Variants in UTP14C observed in about 807,000 individuals in gnomAD.
The protein encoded by UTP14C is UTP14C small subunit processome component.
Under a neutral mutation model 14.6 loss-of-function variants are expected in UTP14C, and 10 were observed. That is an observed-to-expected ratio of 0.68 (90% CI 0.42 to 1.16). The LOEUF (loss-of-function observed/expected upper bound fraction) is 1.16. Ranked by LOEUF, UTP14C falls within the 50% of genes most tolerant of loss-of-function variation. UTP14C has a pLI of 0.00. For missense variants in UTP14C, 818 were observed against 890.8 expected, an observed-to-expected ratio of 0.92 and a Z score of 1.04; for synonymous variants, 315 against 331.6, an observed-to-expected ratio of 0.95 and a Z score of 0.54.
rs1349623691 is a variant in UTP14C at position 52,033,279 on chromosome 13, T to G, written c.*2174T>G. The G allele has an allele frequency of 6.0e-6, 1 of 167,110 alleles. No homozygotes were observed. Among genetic ancestry groups the G allele is most frequent in the East Asian group, 1.9e-4 (1 of 5,202 alleles). The allele number at this position is 167,110 out of a possible 1,614,324, so 10.4% of individuals were successfully genotyped here. On this transcript the variant is annotated 3_prime_UTR_variant, in exon 2 of 2. Transcript: ENST00000521776. ...TTTTGAGTGGTCCAAGCCTGCTGTTTTGAACCCACAGCAGTGGAGATTTGT... is the reference window on the plus strand; with the variant it reads ...TTTTGAGTGGTCCAAGCCTGCTGTTGTGAACCCACAGCAGTGGAGATTTGT...
At chr13:52,026,577 T>G (rs1289569473) in intron 1 of UTP14C, among the ~76,000 whole-genome samples, 1 of 152,164 alleles carries the variant, frequency 6.6e-6, no homozygotes, top group Non-Finnish European at 1.5e-5. Flanking sequence ...TGCAGTAGTA[T>G]TGACCAGGAC....
chr13:52,027,398 C>T (rs1172967330), intron 1 of UTP14C, among the ~76,000 whole-genome samples: 2 of 152,076 alleles, frequency 1.3e-5, no homozygotes, highest in African/African-American at 4.8e-5. Flanking sequence ...GTACAGGATG[C>T]TCTCCAGCTT....
rs775557620 is a variant in UTP14C at position 52,024,784 on chromosome 13, C to T, written c.-640C>T. The T allele has an allele frequency of 3.1e-6, 5 of 1,614,210 alleles. No homozygotes were observed. In the Admixed American group the frequency reaches 6.7e-5, roughly 22 times the overall value. On this transcript the variant is annotated 5_prime_UTR_variant, in exon 1 of 2. Transcript: ENST00000521776. ...AGGTTGTCGTAACAAAGATGATGAA[C>T]TTAGGGTAAACCAACTGAGAAGGCT...
rs1047258718 is a variant in UTP14C at position 52,031,276 on chromosome 13, T to C, written c.*171T>C. 2 of 1,008,844 alleles carry C rather than the reference T, an allele frequency of 2.0e-6. No homozygotes were observed. The highest frequency in any genetic ancestry group is 2.9e-5 in the Admixed American group (1 of 33,998). 62.5% of individuals were successfully genotyped at this position (1,008,844 alleles called of 1,614,324 possible). On this transcript the variant is annotated 3_prime_UTR_variant, in exon 2 of 2. Coordinates refer to ENST00000521776, the MANE Select transcript of UTP14C (RefSeq NM_021645.6). Reference sequence around the variant, plus strand: ...CCATTAATTGACTAGCATTTTAGAATTGATCAGACATTAGAACACAGAAAA... The same window carrying C: ...CCATTAATTGACTAGCATTTTAGAACTGATCAGACATTAGAACACAGAAAA...
Position 52,031,003 on chromosome 13 carries a change from A to G in UTP14C, c.2199A>G (p.Ala733=), listed in dbSNP as rs1395433732. Reference sequence around the variant, plus strand: ...GCCATATCATTAAGCCCATAAAAGCAGAGGATGTGGGCTACCAGTCTTCCT... The same window carrying G: ...GCCATATCATTAAGCCCATAAAAGCGGAGGATGTGGGCTACCAGTCTTCCT... The part of the protein sequence containing the change: ...KPGHIIKPIK[A]EDVGYQSSSR... The change falls in exon 2 of 2, where the codon GCA becomes GCG. Residue 733 remains alanine (A), a synonymous_variant. Transcript: ENST00000521776. 1.2e-6 allele frequency: 2 copies of G among 1,614,212 alleles called. No individual in the cohort carries two copies. The highest frequency in any genetic ancestry group is 4.5e-5 in the East Asian group (2 of 44,882).
At position 52,033,387 on chromosome 13, in the gene UTP14C, G is replaced by T. The variant is rs1954325404; in HGVS notation, c.*2282G>T. On this transcript the variant is annotated 3_prime_UTR_variant, in exon 2 of 2. Transcript: ENST00000521776. ...TTATTTGTAAATATTATTTAGATTT[G>T]TATTTAGACATGATTTATATCTAAT... 6.0e-6 allele frequency: 1 copy of T among 166,944 alleles called. No homozygotes were observed. Among genetic ancestry groups the T allele is most frequent in the African/African-American group, 2.4e-5 (1 of 41,394 alleles). The allele number at this position is 166,944 out of a possible 1,614,324, so 10.3% of individuals were successfully genotyped here. A position where few individuals can be genotyped will look rare whatever the true frequency, so the allele number is the denominator to read the frequency against.
In UTP14C at chr13:52,029,446, G is replaced by A. The variant is rs769956185; in HGVS notation, c.642G>A (p.Met214Ile). ...TPMEKASLQA[M>I]SLEEAKMHRA... Reference sequence around the variant, plus strand: ...TGGAAAAGGCCTCTCTCCAAGCCATGAGCCTGGAAGAGGCAAAGATGCACC... The same window carrying A: ...TGGAAAAGGCCTCTCTCCAAGCCATAAGCCTGGAAGAGGCAAAGATGCACC... The change falls in exon 2 of 2, where the codon ATG becomes ATA. Residue 214 changes from methionine (M) to isoleucine (I), a missense_variant. Physicochemically the swap from Met to Ile is conservative, Grantham distance 10. Transcript: ENST00000521776. 9.9e-6 allele frequency: 16 copies of A among 1,614,112 alleles called. No individual in the cohort carries two copies. Among genetic ancestry groups the A allele is most frequent in the Non-Finnish European group, 1.3e-5 (15 of 1,180,060 alleles).
In UTP14C at chr13:52,032,680, C is replaced by CA. The variant is rs1158123371; in HGVS notation, c.*1576dup. On this transcript the variant is annotated 3_prime_UTR_variant, in exon 2 of 2. Transcript: ENST00000521776. ...AAAAAGCAGCAAACAGAGGGTCAGT[C>CA]ACAGGATGTTCTGACACACCATTGT... 1 of 167,104 alleles carries CA rather than the reference C, an allele frequency of 6.0e-6. No individual in the cohort carries two copies. The highest frequency in any genetic ancestry group is 1.5e-5 in the Non-Finnish European group (1 of 68,120). 10.4% of individuals were successfully genotyped at this position (167,104 alleles called of 1,614,324 possible).
rs1566715719 is a variant in UTP14C, at chr13:52,031,395, T to C, written c.*290T>C. 1 of 380,404 alleles carries C rather than the reference T, an allele frequency of 2.6e-6. No homozygotes were observed. The highest frequency in any genetic ancestry group is 4.9e-6 in the Non-Finnish European group (1 of 204,142). 23.6% of individuals were successfully genotyped at this position (380,404 alleles called of 1,614,324 possible). ...AAAAAAGAAATTTTAAACAGACTTG[T>C]TTAATCGTGTTCTCAAAGCATACAG... is the stretch of plus-strand genomic sequence containing the variant. On this transcript the variant is annotated 3_prime_UTR_variant, in exon 2 of 2. Coordinates refer to ENST00000521776, the MANE Select transcript of UTP14C (RefSeq NM_021645.6).
At chr13:52,027,693 A>T (rs745562924) in intron 1 of UTP14C, among the ~76,000 whole-genome samples, 12 of 152,248 alleles carry the variant, frequency 7.9e-5, no homozygotes, top group Admixed American at 6.5e-5. Flanking sequence ...GTTGTTGGGC[A>T]TGCAGTAGTC....
chr13:52,026,098 G>A (rs557867932), intron 1 of UTP14C, among the ~76,000 whole-genome samples: 12 of 152,354 alleles, frequency 7.9e-5, no homozygotes, highest in East Asian at 3.9e-4. Context: ...GTGCTGTGCC[G>A]TGTGCCAGGT....
In UTP14C at chr13:52,027,984, G is replaced by A. The variant is rs539348700; in HGVS notation, c.-486-335G>A. Among the ~76,000 whole-genome samples the A allele has an allele frequency of 3.9e-5, 6 of 152,136 alleles. No homozygotes were observed. In the South Asian group the frequency reaches 1.0e-3, roughly 26 times the overall value. On this transcript the variant is annotated intron_variant, in intron 1 of 1. Coordinates refer to ENST00000521776, the MANE Select transcript of UTP14C (RefSeq NM_021645.6). ...CTAAGAATAAAGCAGCAGGCTGGGT[G>A]TGGTAGCTCACGCTGGTAAATCCCA...
Position 52,024,705 on chromosome 13 carries a change from G to T in UTP14C, c.-719G>T, listed in dbSNP as rs763889797. The T allele has an allele frequency of 6.2e-7, 1 of 1,614,216 alleles. No homozygotes were observed. Among genetic ancestry groups the T allele is most frequent in the Non-Finnish European group, 8.5e-7 (1 of 1,180,034 alleles). ...TGCAGATCAGAGCCTTTGCTAAATTGCTGAATAAGAAGATGGTTGAGTCAC... is the reference window on the plus strand; with the variant it reads ...TGCAGATCAGAGCCTTTGCTAAATTTCTGAATAAGAAGATGGTTGAGTCAC... On this transcript the variant is annotated 5_prime_UTR_variant, in exon 1 of 2. Transcript: ENST00000521776.
chr13:52,033,185 A>T lies in UTP14C; in HGVS notation c.*2080A>T, dbSNP rs183356568. 3 of 167,156 alleles carry T rather than the reference A, an allele frequency of 1.8e-5. No individual in the cohort carries two copies. The highest frequency in any genetic ancestry group is 3.9e-4 in the East Asian group (2 of 5,194). 10.4% of individuals were successfully genotyped at this position (167,156 alleles called of 1,614,324 possible). A position where few individuals can be genotyped will look rare whatever the true frequency, so the allele number is the denominator to read the frequency against. ...CTGAATGATAGCATGAAAAGTGTCA[A>T]AGTGGTTTGTCCGCTAGCGTCTGTC... On this transcript the variant is annotated 3_prime_UTR_variant, in exon 2 of 2. Coordinates refer to ENST00000521776, the MANE Select transcript of UTP14C (RefSeq NM_021645.6).
In UTP14C at chr13:52,030,494, A is replaced by G. The variant is rs768692630; in HGVS notation, c.1690A>G (p.Thr564Ala). The change falls in exon 2 of 2, where the codon ACC becomes GCC. Residue 564 changes from threonine to alanine, a missense_variant. Physicochemically the swap from Thr to Ala is moderately conservative, Grantham distance 58. Coordinates refer to ENST00000521776, the MANE Select transcript of UTP14C (RefSeq NM_021645.6). ...EQLINLQNFL[T>A]TQSPSVRSLA... ...ACTGATCAACCTACAGAACTTCCTG[A>G]CCACACAGTCTCCTTCCGTGAGGTC... The G allele has an allele frequency of 5.0e-6, 8 of 1,614,128 alleles. No homozygotes were observed. In the East Asian group the frequency reaches 8.9e-5, roughly 18 times the overall value.
In UTP14C at chr13:52,029,286, G is replaced by T. The variant is rs1196647252; in HGVS notation, c.482G>T (p.Gly161Val). Reference protein sequence around the residue: ...QQAEQLVFPLGKEQPAIAPIE... With the variant: ...QQAEQLVFPLVKEQPAIAPIE... ...GCAGAGCAGCTGGTTTTTCCCCTGG[G>T]GAAGGAGCAGCCAGCCATTGCTCCC... Residue 161 changes from glycine (G) to valine (V), a missense_variant, in exon 2 of 2, where the codon GGG becomes GTG. By Grantham distance (109) the Gly-to-Val change is moderately radical. Coordinates refer to ENST00000521776, the MANE Select transcript of UTP14C (RefSeq NM_021645.6). 1 of 1,614,178 alleles carries T rather than the reference G, an allele frequency of 6.2e-7. No individual in the cohort carries two copies. The highest frequency in any genetic ancestry group is 1.1e-5 in the South Asian group (1 of 91,078).
Position 52,031,150 on chromosome 13 carries a change from T to G in UTP14C, c.*45T>G. The G allele has an allele frequency of 6.4e-7, 1 of 1,563,286 alleles. No individual in the cohort carries two copies. The highest frequency in any genetic ancestry group is 8.7e-7 in the Non-Finnish European group (1 of 1,155,418). ...GACAGTCAGGGGCCCTGATTCCACT[T>G]CCTTTGGTCCAGTTTTACTCTGCTA... is the stretch of plus-strand genomic sequence containing the variant. On this transcript the variant is annotated 3_prime_UTR_variant, in exon 2 of 2. Coordinates refer to ENST00000521776, the MANE Select transcript of UTP14C (RefSeq NM_021645.6).
In UTP14C at chr13:52,029,428, G is replaced by A. The variant is rs757753927; in HGVS notation, c.624G>A (p.Lys208=). ...ATCCTTTACTGACTCCCATGGAAAAGGCCTCTCTCCAAGCCATGAGCCTGG... is the reference window on the plus strand; with the variant it reads ...ATCCTTTACTGACTCCCATGGAAAAAGCCTCTCTCCAAGCCATGAGCCTGG... ...VTDPLLTPME[K]ASLQAMSLEE... is the part of the protein sequence containing the mutation. Residue 208 remains lysine, a synonymous_variant, in exon 2 of 2, where the codon AAG becomes AAA. Transcript: ENST00000521776. The A allele has an allele frequency of 2.5e-6, 4 of 1,614,160 alleles. No homozygotes were observed. The Admixed American group carries it at 6.7e-5, about 27-fold the overall frequency.
chr13:52,031,151 C>T lies in UTP14C; in HGVS notation c.*46C>T. The T allele has an allele frequency of 1.3e-6, 2 of 1,563,492 alleles. No homozygotes were observed. Among genetic ancestry groups the T allele is most frequent in the South Asian group, 2.5e-5 (2 of 81,614 alleles). Reference sequence around the variant, plus strand: ...ACAGTCAGGGGCCCTGATTCCACTTCCTTTGGTCCAGTTTTACTCTGCTAC... The same window carrying T: ...ACAGTCAGGGGCCCTGATTCCACTTTCTTTGGTCCAGTTTTACTCTGCTAC... On this transcript the variant is annotated 3_prime_UTR_variant, in exon 2 of 2. Transcript: ENST00000521776.
Sources: gnomAD v4.1 joint callset for allele counts (sites outside exome capture counted in the v4.1 genomes callset) on GRCh38, gnomAD v4.1.1 for gene constraint, MANE v1.5 for transcripts, NCBI Gene and HGNC (gene_info 2026-07-23, HGNC 2026-07-21) for gene names.